Variants in CYP2C18 observed in about 807,000 individuals in gnomAD.
CYP2C18 encodes cytochrome P450 family 2 subfamily C member 18.
CYP2C18 carries 38 observed loss-of-function variants against 41.3 expected under a neutral mutation model. That is an observed-to-expected ratio of 0.92 (90% CI 0.71 to 1.21). CYP2C18 has a LOEUF of 1.21. Among genes scored for constraint, CYP2C18 ranks in the 50% most tolerant of loss-of-function variants. The probability of loss-of-function intolerance (pLI) is 0.00; values close to 1 mark genes in which losing one functional copy is unlikely to be tolerated. For synonymous variants in CYP2C18, 236 were observed against 210.0 expected (o/e 1.12, Z -1.07); for missense variants, 635 against 591.4 (o/e 1.07, Z -0.77).
chr10:94,710,279 T>C (rs1209422936), intron 5 of CYP2C18, among the ~76,000 whole-genome samples: 2 of 152,228 alleles, frequency 1.3e-5, no homozygotes, highest in Admixed American at 1.3e-4. Flanking sequence ...TGATGGTAGC[T>C]TTTATGTAAG....
chr10:94,733,228 T>C, intron 7 of CYP2C18, 69 bp from the exon 8 acceptor site: 1 of 1,449,858 alleles, frequency 6.9e-7, no homozygotes, highest in Non-Finnish European at 9.5e-7. Context: ...TTGGACTAGG[T>C]GATTTCCATC....
chr10:94,708,185 G>GT (rs1229739513), intron 5 of CYP2C18, among the ~76,000 whole-genome samples: 12 of 152,176 alleles, frequency 7.9e-5, no homozygotes, highest in Non-Finnish European at 1.5e-4. Flanking sequence ...TGGAATGTTA[G>GT]CAGGACTGCT....
At chr10:94,725,868 T>G (rs543438739) in intron 7 of CYP2C18, among the ~76,000 whole-genome samples, 1 of 152,274 alleles carries the variant, frequency 6.6e-6, no homozygotes, top group South Asian at 2.1e-4. Context: ...GTTTGCAATT[T>G]TTCTTCCTCA....
Position 94,733,348 on chromosome 10 carries a change from T to A in CYP2C18, c.1201T>A (p.Phe401Ile). The stretch of plus-strand genomic sequence containing the variant: ...TTCTGTGCTGCACAATGACAAAGAA[T>A]TCCCCAACCCAGAGATGTTTGACCC... The part of the protein sequence containing the change: ...LTSVLHNDKE[F>I]PNPEMFDPGH... The change falls in exon 8 of 9, where the codon TTC becomes ATC. Residue 401 changes from phenylalanine (F) to isoleucine (I), a missense_variant. By Grantham distance (21) the Phe-to-Ile change is conservative (BLOSUM62 0). Coordinates refer to ENST00000285979, the MANE Select transcript of CYP2C18 (RefSeq NM_000772.3). The A allele has an allele frequency of 6.2e-7, 1 of 1,613,476 alleles. No individual in the cohort carries two copies. Among genetic ancestry groups the A allele is most frequent in the Non-Finnish European group, 8.5e-7 (1 of 1,179,584 alleles).
At chr10:94,686,259 ATTTG>A (rs1399879181) in intron 1 of CYP2C18, among the ~76,000 whole-genome samples, 4 of 152,098 alleles carry the variant, frequency 2.6e-5, no homozygotes, top group South Asian at 2.1e-4. Flanking sequence ...AGTTTACTGA[ATTTG>A]TTTATCAGTT....
At chr10:94,712,106 C>T (rs1318383524) in intron 5 of CYP2C18, among the ~76,000 whole-genome samples, 1 of 149,980 alleles carries the variant, frequency 6.7e-6, no homozygotes, top group Admixed American at 6.7e-5. Context: ...TCTTGGCCTC[C>T]CAAAGTGCTG....
chr10:94,701,673 T>A (rs1847248827), intron 4 of CYP2C18, among the ~76,000 whole-genome samples: 1 of 151,708 alleles, frequency 6.6e-6, no homozygotes, highest in East Asian at 1.9e-4. Context: ...AGTCTCAGAG[T>A]GTACACAGTT....
intron 3 of CYP2C18, among the ~76,000 whole-genome samples, chr10:94,689,211 CAA>C (rs1846952722): frequency 6.6e-6 from 1 of 151,958 alleles, no homozygotes; most frequent in African/African-American, 2.4e-5. Context: ...AAACAAATGC[CAA>C]GTTATAAAAT....
chr10:94,727,099 G>A (rs1226297262), intron 7 of CYP2C18, among the ~76,000 whole-genome samples: 7 of 152,050 alleles, frequency 4.6e-5, no homozygotes, highest in Non-Finnish European at 2.9e-5. Context: ...AAATAGCCAT[G>A]GATCATTCAT....
At chr10:94,699,018 A>G (rs1015563743) in intron 4 of CYP2C18, among the ~76,000 whole-genome samples, 4 of 152,248 alleles carry the variant, frequency 2.6e-5, no homozygotes, top group African/African-American at 9.6e-5. Context: ...GTTCAGGACC[A>G]GATGGACTCA....
intron 3 of CYP2C18, among the ~76,000 whole-genome samples, chr10:94,692,454 A>G (rs538838029): frequency 9.9e-5 from 15 of 152,284 alleles, no homozygotes; most frequent in African/African-American, 3.4e-4. Context: ...AGAAATGCAA[A>G]TCAAAACCAC....
chr10:94,706,877 G>C lies in CYP2C18; in HGVS notation c.736G>C (p.Glu246Gln). Residue 246 changes from glutamate to glutamine, a missense_variant, in exon 5 of 9, where the codon GAG becomes CAG. Glu to Gln is a conservative substitution (Grantham distance 29). Coordinates refer to ENST00000285979, the MANE Select transcript of CYP2C18 (RefSeq NM_000772.3). ...NFAYIKSYVLERIKEHQESLD... is the reference protein window; with the variant it reads ...NFAYIKSYVLQRIKEHQESLD... ...TGCTTACATTAAAAGTTATGTATTG[G>C]AGAGAATAAAAGAACATCAAGAATC... is the stretch of plus-strand genomic sequence containing the variant. 1 of 1,612,242 alleles carries C rather than the reference G, an allele frequency of 6.2e-7. No homozygotes were observed. The highest frequency in any genetic ancestry group is 8.5e-7 in the Non-Finnish European group (1 of 1,178,750).
chr10:94,692,685 G>A (rs1344654140), intron 3 of CYP2C18, among the ~76,000 whole-genome samples: 1 of 152,134 alleles, frequency 6.6e-6, no homozygotes, highest in Non-Finnish European at 1.5e-5. Context: ...ATACCCAAAG[G>A]ATTATAAATT....
chr10:94,714,908 G>A (rs1219113482), intron 5 of CYP2C18, among the ~76,000 whole-genome samples: 4 of 152,132 alleles, frequency 2.6e-5, no homozygotes, highest in African/African-American at 7.2e-5. Context: ...CTTGGAAGTT[G>A]GATTCCTGGG....
intron 5 of CYP2C18, among the ~76,000 whole-genome samples, 180 bp downstream of exon 5, chr10:94,707,140 C>T (rs1847359832): frequency 6.6e-6 from 1 of 152,056 alleles, no homozygotes; most frequent in Non-Finnish European, 1.5e-5. Context: ...ATGTGAGCAC[C>T]ATTGTTAGGT....
chr10:94,724,113 T>C (rs1035991469), intron 6 of CYP2C18, among the ~76,000 whole-genome samples: 2 of 151,896 alleles, frequency 1.3e-5, no homozygotes, highest in Non-Finnish European at 2.9e-5. Context: ...TTGTACTGAT[T>C]ATCTTGTATG....
intron 5 of CYP2C18, among the ~76,000 whole-genome samples, chr10:94,715,056 T>C (rs1847514696): frequency 6.6e-6 from 1 of 152,246 alleles, no homozygotes; most frequent in Non-Finnish European, 1.5e-5. Context: ...TGAAGTTTCT[T>C]ATCAGCTTTT....
At chr10:94,695,945 G>T (rs932008898) in intron 4 of CYP2C18, among the ~76,000 whole-genome samples, 1 of 152,144 alleles carries the variant, frequency 6.6e-6, no homozygotes. Context: ...AGGGGGGCCT[G>T]CCATTACTGA....
rs547604047 is a variant in CYP2C18, at chr10:94,701,515, G to A, written c.643-5269G>A. Among the ~76,000 whole-genome samples the A allele has an allele frequency of 2.0e-5, 3 of 152,248 alleles. No individual in the cohort carries two copies. The East Asian group carries it at 5.8e-4, about 29-fold the overall frequency. On this transcript the variant is annotated intron_variant, in intron 4 of 8. Coordinates refer to ENST00000285979, the MANE Select transcript of CYP2C18 (RefSeq NM_000772.3). Reference sequence around the variant, plus strand: ...GATAGCATTAGGAGATACACCTAATGTTAAATGAAGAGTTAATGGGTGCAG... The same window carrying A: ...GATAGCATTAGGAGATACACCTAATATTAAATGAAGAGTTAATGGGTGCAG...
Sources: allele counts gnomAD v4.1 joint callset (sites outside exome capture counted in the v4.1 genomes callset), GRCh38; gene constraint gnomAD v4.1.1; transcripts MANE v1.5; gene names NCBI Gene and HGNC (gene_info 2026-07-23, HGNC 2026-07-21).